FAM227B: variants seen among roughly 807,000 people sequenced by gnomAD.
The protein encoded by FAM227B is family with sequence similarity 227 member B.
Under a neutral mutation model 73.8 loss-of-function variants are expected in FAM227B, and 88 were observed. That is an observed-to-expected ratio of 1.19 (90% CI 1.00 to 1.42). The LOEUF (loss-of-function observed/expected upper bound fraction) is 1.42, where lower values mean the gene tolerates loss of function less well. Ranked by LOEUF, FAM227B falls within the 40% of genes most tolerant of loss-of-function variation. The pLI is 0.00. For missense variants in FAM227B, 632 were observed against 590.9 expected, an observed-to-expected ratio of 1.07 and a Z score of -0.72; for synonymous variants, 210 against 190.5, an observed-to-expected ratio of 1.10 and a Z score of -0.84.
intron 11 of FAM227B, chr15:49,422,547 A>G: frequency 7.3e-7 from 1 of 1,370,446 alleles, no homozygotes; most frequent in Non-Finnish European, 9.5e-7. Flanking sequence ...AGTAGTGAGT[A>G]TAAGTCACAG....
intron 5 of FAM227B, among the ~76,000 whole-genome samples, chr15:49,582,410 A>G (rs1384456554): frequency 6.6e-6 from 1 of 152,250 alleles, no homozygotes; most frequent in African/African-American, 2.4e-5. Context: ...AAAAGACTCA[A>G]TTCAACAAGA....
At chr15:49,376,866 T>A (rs978758236) in intron 11 of FAM227B, among the ~76,000 whole-genome samples, 1 of 152,076 alleles carries the variant, frequency 6.6e-6, no homozygotes, top group Non-Finnish European at 1.5e-5. Flanking sequence ...TTTGTTTTCA[T>A]GGTATTGTAA....
rs958566941 is a variant in FAM227B, at chr15:49,597,282, C to G, written c.106-7275G>C. On this transcript the variant is annotated intron_variant, in intron 3 of 15. Transcript: ENST00000299338. ...AATTACATAAAGTACTCTTTCAGAC[C>G]ACAATTGAATAAAATTGGAAATCCA... Among the ~76,000 whole-genome samples, 6 of 151,996 alleles carry G rather than the reference C, an allele frequency of 3.9e-5. No homozygotes were observed. The South Asian group carries it at 8.3e-4, about 21-fold the overall frequency.
intron 11 of FAM227B, among the ~76,000 whole-genome samples, chr15:49,374,848 G>A (rs2046058850): frequency 6.6e-6 from 1 of 152,170 alleles, no homozygotes; most frequent in Admixed American, 6.5e-5. Flanking sequence ...CCGGCCTCAT[G>A]AGTATATTCT....
chr15:49,342,743 T>C (rs2040927239), intron 13 of FAM227B, among the ~76,000 whole-genome samples: 1 of 152,156 alleles, frequency 6.6e-6, no homozygotes, highest in South Asian at 2.1e-4. Flanking sequence ...ATTCCCTTAG[T>C]GCTTGCGTGT....
At chr15:49,409,643 T>C (rs1284141353) in intron 11 of FAM227B, among the ~76,000 whole-genome samples, 2 of 151,940 alleles carry the variant, frequency 1.3e-5, no homozygotes, top group Non-Finnish European at 2.9e-5. Context: ...TTATTATTGT[T>C]ATTACTATTT....
At chr15:49,527,818 AAG>A (rs1443132931) in intron 10 of FAM227B, among the ~76,000 whole-genome samples, 2 of 151,908 alleles carry the variant, frequency 1.3e-5, no homozygotes, top group African/African-American at 2.4e-5. Flanking sequence ...GATCTCTACA[AAG>A]AGAACTACAT....
At chr15:49,540,392 T>C (rs993852886) in intron 10 of FAM227B, among the ~76,000 whole-genome samples, 3 of 152,180 alleles carry the variant, frequency 2.0e-5, no homozygotes, top group African/African-American at 7.2e-5. Context: ...CAGAAATCCT[T>C]TCTGTGCAAT....
intron 13 of FAM227B, among the ~76,000 whole-genome samples, chr15:49,342,030 T>C (rs527789469): frequency 4.6e-5 from 7 of 152,358 alleles, no homozygotes; most frequent in Non-Finnish European, 8.8e-5. Flanking sequence ...AAGTATTTTG[T>C]AGGTATCTCT....
intron 9 of FAM227B, among the ~76,000 whole-genome samples, chr15:49,558,256 A>T (rs1277952349): frequency 3.3e-5 from 5 of 152,200 alleles, no homozygotes; most frequent in Non-Finnish European, 7.4e-5. Flanking sequence ...CTGGGCTCCT[A>T]GTGCAGCAGC....
rs1197953530 is a variant in FAM227B, at chr15:49,361,836, C to T, written c.1271+5612G>A. 5.3e-5 allele frequency among the ~76,000 whole-genome samples: 8 copies of T among 152,072 alleles called. No homozygotes were observed. In the East Asian group the frequency reaches 5.8e-4, roughly 11 times the overall value. ...GAAATTGCCAAACTGCTTTCCACAA[C>T]GGTTGAACTAATTTACATTCCCACC... is the stretch of plus-strand genomic sequence containing the variant. On this transcript the variant is annotated intron_variant, in intron 13 of 15. Transcript: ENST00000299338.
At chr15:49,456,926 TA>T in intron 11 of FAM227B, among the ~76,000 whole-genome samples, 2 of 152,214 alleles carry the variant, frequency 1.3e-5, no homozygotes, top group Middle Eastern at 3.4e-3. Context: ...ATTTAATTTT[TA>T]AAAAGATACC....
intron 9 of FAM227B, among the ~76,000 whole-genome samples, chr15:49,553,555 G>T (rs1232879460): frequency 6.6e-6 from 1 of 152,164 alleles, no homozygotes; most frequent in South Asian, 2.1e-4. Flanking sequence ...CAGGTGTGCT[G>T]CCTGGGAGCC....
intron 3 of FAM227B, among the ~76,000 whole-genome samples, chr15:49,601,611 C>T (rs1317803941): frequency 6.6e-6 from 1 of 152,146 alleles, no homozygotes; most frequent in Admixed American, 6.5e-5. Flanking sequence ...GTAACCATCC[C>T]CTCAAGCATT....
intron 10 of FAM227B, 79 bp downstream of exon 10, chr15:49,541,601 G>T: frequency 8.1e-7 from 1 of 1,229,436 alleles, no homozygotes; most frequent in Non-Finnish European, 1.1e-6. Flanking sequence ...AATATTTTTG[G>T]ATGGAATAAA....
intron 3 of FAM227B, among the ~76,000 whole-genome samples, chr15:49,591,383 T>TC (rs1567656889): frequency 6.9e-4 from 32 of 46,628 alleles, no homozygotes; most frequent in African/African-American, 2.4e-3. Flanking sequence ...CTCCCTCCCT[T>TC]CCCTCCCTCC....
chr15:49,584,641 A>G (rs1392952170), intron 5 of FAM227B, among the ~76,000 whole-genome samples: 1 of 152,194 alleles, frequency 6.6e-6, no homozygotes, highest in African/African-American at 2.4e-5. Context: ...CCTTAAGCTG[A>G]TAAACAACTT....
intron 11 of FAM227B, among the ~76,000 whole-genome samples, chr15:49,491,732 CACAT>C (rs1057332528): frequency 6.0e-5 from 8 of 132,612 alleles, no homozygotes; most frequent in Admixed American, 3.2e-4. Context: ...CACACACACA[CACAT>C]ATATATATGC....
Position 49,523,956 on chromosome 15 carries a change from G to A in FAM227B, c.875-15608C>T, listed in dbSNP as rs567459991. ...GCAGAAGAAATTTCTAAGCAGCAAA[G>A]CATTCAAGATGTGACTTGGATGCTG... On this transcript the variant is annotated intron_variant, in intron 10 of 15. Coordinates refer to ENST00000299338, the MANE Select transcript of FAM227B (RefSeq NM_152647.3). 8.5e-5 allele frequency among the ~76,000 whole-genome samples: 13 copies of A among 152,102 alleles called. No homozygotes were observed. In the South Asian group the frequency reaches 2.3e-3, roughly 27 times the overall value.
Sources: allele counts gnomAD v4.1 joint callset (sites outside exome capture counted in the v4.1 genomes callset), GRCh38; gene constraint gnomAD v4.1.1; transcripts MANE v1.5; gene names NCBI Gene and HGNC (gene_info 2026-07-23, HGNC 2026-07-21).